Variants in PPIL1 observed in about 807,000 individuals in gnomAD.
The protein encoded by PPIL1 is peptidylprolyl isomerase like 1, also known as peptidyl-prolyl cis-trans isomerase-like 1.
In PPIL1, 14 loss-of-function variants were observed where a neutral mutation model predicts 19.4. The observed-to-expected ratio is 0.72, with a 90% confidence interval of 0.48 to 1.13. The LOEUF (loss-of-function observed/expected upper bound fraction) is 1.13. PPIL1 is among the 50% of genes most tolerant of loss of function. The probability of loss-of-function intolerance (pLI) is 0.00; values close to 1 mark genes in which losing one functional copy is unlikely to be tolerated. For synonymous variants in PPIL1, 72 were observed against 73.6 expected, an observed-to-expected ratio of 0.98 and a Z score of 0.11; for missense variants, 192 against 218.0, an observed-to-expected ratio of 0.88 and a Z score of 0.75.
intron 2 of PPIL1, among the ~76,000 whole-genome samples, chr6:36,865,634 T>C (rs1774380261): frequency 6.6e-6 from 1 of 152,198 alleles, no homozygotes; most frequent in Non-Finnish European, 1.5e-5. Context: ...TATGCCTCCT[T>C]CCCATCCTAA....
chr6:36,857,980 A>G (rs1774201635), intron 2 of PPIL1, among the ~76,000 whole-genome samples: 1 of 152,130 alleles, frequency 6.6e-6, no homozygotes. Context: ...CTATAATCCC[A>G]GCACGTTGGA....
rs544975205 is a variant in PPIL1 at position 36,871,780 on chromosome 6, C to G, written c.149G>C (p.Gly50Ala). Residue 50 changes from glycine to alanine, a missense_variant, in exon 2 of 4, where the codon GGC becomes GCC. By Grantham distance (60) the Gly-to-Ala change is moderately conservative (BLOSUM62 0). Coordinates refer to ENST00000373699, the MANE Select transcript of PPIL1 (RefSeq NM_016059.5). ...AELARRGYYN[G>A]TKFHRIIKDF... ...TTTGATAATTCTGTGGAATTTTGTG[C>G]CATTGTAGTAACCTCGACGAGCCAA... is the stretch of plus-strand genomic sequence containing the variant. The G allele has an allele frequency of 1.9e-6, 3 of 1,610,964 alleles. No homozygotes were observed. In the East Asian group the frequency reaches 6.7e-5, roughly 36 times the overall value.
intron 2 of PPIL1, among the ~76,000 whole-genome samples, chr6:36,861,885 G>A (rs1322491861): frequency 6.6e-6 from 1 of 151,898 alleles, no homozygotes; most frequent in Non-Finnish European, 1.5e-5. Context: ...TAGTAGAGAC[G>A]GGATTTCTCC....
At position 36,871,712 on chromosome 6, in the gene PPIL1, C is replaced by T; in HGVS notation, c.211+6G>A. ...AAAACATAAACTAATGTTGGCTTAA[C>T]TGTACCTGTCCCTGTTGGGTCACCT... On this transcript the variant is annotated splice_donor_region_variant and intron_variant, in intron 2 of 3. Coordinates refer to ENST00000373699, the MANE Select transcript of PPIL1 (RefSeq NM_016059.5). The T allele has an allele frequency of 3.8e-6, 6 of 1,592,928 alleles. No individual in the cohort carries two copies. Among genetic ancestry groups the T allele is most frequent in the South Asian group, 2.3e-5 (2 of 86,172 alleles).
chr6:36,870,150 T>A (rs965153663), intron 2 of PPIL1, among the ~76,000 whole-genome samples: 2 of 141,184 alleles, frequency 1.4e-5, no homozygotes, highest in African/African-American at 5.2e-5. Context: ...AGATGATAAA[T>A]CATGAGACGA....
chr6:36,867,824 T>C (rs1285160598), intron 2 of PPIL1, among the ~76,000 whole-genome samples: 2 of 152,132 alleles, frequency 1.3e-5, no homozygotes, highest in Non-Finnish European at 2.9e-5. Context: ...TAGAATAGAA[T>C]AGAGAGAAAG....
intron 2 of PPIL1, among the ~76,000 whole-genome samples, chr6:36,864,713 G>A (rs1413144740): frequency 6.6e-6 from 1 of 152,122 alleles, no homozygotes; most frequent in African/African-American, 2.4e-5. Flanking sequence ...TCAATGCACA[G>A]GACAGCACCC....
chr6:36,866,086 T>C (rs192057630), intron 2 of PPIL1, among the ~76,000 whole-genome samples: 370 of 152,246 alleles, frequency 2.4e-3, no homozygotes, highest in Admixed American at 4.8e-3. Context: ...AGGAAGAACT[T>C]GACAGGATGT....
intron 2 of PPIL1, among the ~76,000 whole-genome samples, chr6:36,856,866 A>G (rs1197433930): frequency 1.3e-5 from 2 of 152,244 alleles, no homozygotes; most frequent in Non-Finnish European, 2.9e-5. Flanking sequence ...TTCCTTTTCA[A>G]AATAACGCTA....
Position 36,874,758 on chromosome 6 carries a change from G to C in PPIL1, c.15C>G (p.Pro5=), listed in dbSNP as rs147328340. The change falls in exon 1 of 4, where the codon CCC becomes CCG. Residue 5 remains proline, a synonymous_variant. Coordinates refer to ENST00000373699, the MANE Select transcript of PPIL1 (RefSeq NM_016059.5). ...CGTTGGGTGGCTGCCAGGAATCTGG[G>C]GGAATTGCCGCCATAGCGAAGCCGG... The part of the protein sequence containing the change: MAAI[P]PDSWQPPNVY... The C allele has an allele frequency of 1.4e-5, 23 of 1,614,022 alleles. No individual in the cohort carries two copies. In the African/African-American group the frequency reaches 2.8e-4, roughly 20 times the overall value.
chr6:36,860,316 C>T (rs554385811), intron 2 of PPIL1, among the ~76,000 whole-genome samples: 5 of 152,042 alleles, frequency 3.3e-5, no homozygotes, highest in Admixed American at 2.6e-4. Flanking sequence ...ATTAGCCAGG[C>T]GTGGTTGTGC....
intron 2 of PPIL1, among the ~76,000 whole-genome samples, chr6:36,868,429 T>C (rs933495869): frequency 6.6e-6 from 1 of 152,064 alleles, no homozygotes; most frequent in Non-Finnish European, 1.5e-5. Flanking sequence ...TTTCCTGAAA[T>C]AGAAAATCCA....
At chr6:36,867,680 A>ACCT (rs1774421963) in intron 2 of PPIL1, among the ~76,000 whole-genome samples, 2 of 152,308 alleles carry the variant, frequency 1.3e-5, no homozygotes, top group South Asian at 4.1e-4. Flanking sequence ...ACAGAGGGAC[A>ACCT]CCACTGGCTG....
At chr6:36,862,479 G>A (rs236347) in intron 2 of PPIL1, among the ~76,000 whole-genome samples, 1,802 of 152,336 alleles carry the variant, frequency 0.012, 32 homozygotes, top group African/African-American at 0.04. Context: ...AAGTCGCTGA[G>A]TCAAGCTTCT....
In PPIL1 at chr6:36,873,470, T is replaced by TAA. The variant is rs373874093; in HGVS notation, c.56+1246_56+1247insTT. 3.6e-3 allele frequency among the ~76,000 whole-genome samples: 549 copies of TAA among 152,258 alleles called. 1 individual carries two copies. The highest frequency in any genetic ancestry group is 0.012 in the African/African-American group (508 of 41,544). ...ATCCCATTTTTTTGTTAAAAAAACA[T>TAA]GAGAGAGGTTTATATGTACATAGAA... On this transcript the variant is annotated intron_variant, in intron 1 of 3. Coordinates refer to ENST00000373699, the MANE Select transcript of PPIL1 (RefSeq NM_016059.5).
chr6:36,871,672 G>C, intron 2 of PPIL1, 46 bp downstream of exon 2: 1 of 1,552,650 alleles, frequency 6.4e-7, no homozygotes, highest in Non-Finnish European at 8.7e-7. Flanking sequence ...AAGACGAAAA[G>C]GAGAAAAAAA....
In PPIL1 at chr6:36,855,984, G is replaced by A. The variant is rs149386685; in HGVS notation, c.330C>T (p.Ser110=). The A allele has an allele frequency of 5.5e-5, 88 of 1,614,206 alleles. No homozygotes were observed. The African/African-American group carries it at 1.2e-3, about 21-fold the overall frequency. The change falls in exon 4 of 4, where the codon AGC becomes AGT. Residue 110 remains serine (S), a synonymous_variant. Transcript: ENST00000373699. ...TGGGGGCGAGGGTCACAAAGAACTG[G>A]CTGCCATTGGTATCTGGCCCCGCAT... ...MANAGPDTNG[S]QFFVTLAPTQ... is the part of the protein sequence containing the mutation.
intron 2 of PPIL1, 47 bp downstream of exon 2, chr6:36,871,666 CGAAAA>C: frequency 6.5e-7 from 1 of 1,543,610 alleles, no homozygotes; most frequent in Non-Finnish European, 8.7e-7. Context: ...GAAAAAAAGA[CGAAAA>C]GGAGAAAAAA....
chr6:36,874,694 C>T, intron 1 of PPIL1, 23 bp downstream of exon 1: 1 of 1,613,152 alleles, frequency 6.2e-7, no homozygotes, highest in Non-Finnish European at 8.5e-7. Context: ...CTCTGCCAGC[C>T]CCAGACGCCC....
Sources: allele counts gnomAD v4.1 joint callset (sites outside exome capture counted in the v4.1 genomes callset), GRCh38; gene constraint gnomAD v4.1.1; transcripts MANE v1.5; gene names NCBI Gene and HGNC (gene_info 2026-07-23, HGNC 2026-07-21).